The following MLLT10 variants were observed in gnomAD, a reference collection of about 807,000 sequenced individuals.
MLLT10 encodes protein AF-10.
In MLLT10, 30 loss-of-function variants were observed where a neutral mutation model predicts 129.1. The observed-to-expected ratio is 0.23, with a 90% confidence interval of 0.17 to 0.32. MLLT10 has a LOEUF of 0.32. Among genes scored for constraint, MLLT10 ranks in the 10% least tolerant of loss-of-function variants. The probability of loss-of-function intolerance (pLI) is 1.00; values close to 1 mark genes in which losing one functional copy is unlikely to be tolerated. For synonymous variants in MLLT10, 490 were observed against 446.4 expected (o/e 1.10, Z -1.23); for missense variants, 1,119 against 1,268.3 (o/e 0.88, Z 1.79).
At chr10:21,717,825 C>CCTT (rs1389492889) in intron 14 of MLLT10, among the ~76,000 whole-genome samples, 3 of 137,494 alleles carry the variant, frequency 2.2e-5, no homozygotes, top group African/African-American at 8.4e-5. Context: ...TTCTTCTCCT[C>CCTT]CTTCTCCTCC....
At chr10:21,634,922 A>G (rs1015366220) in intron 8 of MLLT10, among the ~76,000 whole-genome samples, 2 of 152,216 alleles carry the variant, frequency 1.3e-5, no homozygotes, top group African/African-American at 4.8e-5. Context: ...CTTAATTTCT[A>G]GTAAAACAGA....
At position 21,732,896 on chromosome 10, in the gene MLLT10, T is replaced by TA. The variant is rs753645699; in HGVS notation, c.2219-2dup. The TA allele has an allele frequency of 1.2e-6, 2 of 1,611,740 alleles. No homozygotes were observed. Among genetic ancestry groups the TA allele is most frequent in the African/African-American group, 2.7e-5 (2 of 74,738 alleles). On this transcript the variant is annotated splice_polypyrimidine_tract_variant and splice_region_variant and intron_variant, in intron 17 of 22. Transcript: ENST00000307729. The stretch of plus-strand genomic sequence containing the variant: ...TATTAAAAACTATCCAAATGTGTGG[T>TA]AGTTTTAGGAATGCTGAAGTCATTA...
intron 8 of MLLT10, among the ~76,000 whole-genome samples, chr10:21,619,940 T>TC (rs2045639293): frequency 6.6e-6 from 1 of 150,796 alleles, no homozygotes; most frequent in Non-Finnish European, 1.5e-5. Flanking sequence ...TTTTCTTTTT[T>TC]TTTTTTTTGT....
At chr10:21,542,966 G>GA (rs1554780688) in intron 3 of MLLT10, among the ~76,000 whole-genome samples, 2 of 144,824 alleles carry the variant, frequency 1.4e-5, no homozygotes, top group African/African-American at 2.5e-5. Context: ...TTTTTTTTTT[G>GA]TTTTTTTTTT....
intron 14 of MLLT10, among the ~76,000 whole-genome samples, chr10:21,725,748 G>A (rs901908293): frequency 7.4e-4 from 109 of 146,516 alleles, no homozygotes; most frequent in African/African-American, 2.5e-3. Flanking sequence ...TTGTAGTTAC[G>A]TAACTTTTTT....
intron 13 of MLLT10, among the ~76,000 whole-genome samples, chr10:21,694,004 AAAAG>A (rs2054129705): frequency 6.6e-6 from 1 of 152,190 alleles, no homozygotes; most frequent in African/African-American, 2.4e-5. Flanking sequence ...TCTTTTTAAA[AAAAG>A]AGCTGCGTAG....
At chr10:21,734,447 G>A (rs2058200154) in intron 20 of MLLT10, among the ~76,000 whole-genome samples, 1 of 152,142 alleles carries the variant, frequency 6.6e-6, no homozygotes, top group Non-Finnish European at 1.5e-5. Flanking sequence ...TCGTAGTGGA[G>A]ATAACATGAA....
intron 22 of MLLT10, among the ~76,000 whole-genome samples, chr10:21,740,730 A>T (rs1312264804): frequency 6.6e-6 from 1 of 152,252 alleles, no homozygotes; most frequent in East Asian, 1.9e-4. Context: ...TTTAGTTATT[A>T]ATTTCATGTA....
intron 3 of MLLT10, among the ~76,000 whole-genome samples, chr10:21,575,825 A>G (rs1043886090): frequency 6.6e-6 from 1 of 152,134 alleles, no homozygotes; most frequent in African/African-American, 2.4e-5. Context: ...AGGTGCATAC[A>G]TTTATAATTA....
At chr10:21,685,483 C>T (rs1297950215) in intron 13 of MLLT10, among the ~76,000 whole-genome samples, 2 of 151,966 alleles carry the variant, frequency 1.3e-5, no homozygotes, top group Non-Finnish European at 2.9e-5. Flanking sequence ...TACAGGCGCC[C>T]ACCACCATGC....
intron 8 of MLLT10, among the ~76,000 whole-genome samples, chr10:21,640,012 C>A (rs915109358): frequency 3.3e-5 from 5 of 151,754 alleles, no homozygotes; most frequent in South Asian, 2.1e-4. Flanking sequence ...TGTTACTCTG[C>A]CGCTGTTCTG....
At chr10:21,664,944 CT>C (rs146373535) in intron 9 of MLLT10, among the ~76,000 whole-genome samples, 21,830 of 119,006 alleles carry the variant, frequency 0.18, 1,176 homozygotes, top group African/African-American at 0.3. Context: ...TTTTTCTTTT[CT>C]TTTTTTTTTT....
chr10:21,559,304 G>A (rs898121789), intron 3 of MLLT10, among the ~76,000 whole-genome samples: 21 of 152,232 alleles, frequency 1.4e-4, no homozygotes, highest in African/African-American at 4.8e-4. Context: ...GGCTGGTCTC[G>A]AACTCCTGAC....
At chr10:21,630,631 C>T (rs2046908670) in intron 8 of MLLT10, among the ~76,000 whole-genome samples, 1 of 152,160 alleles carries the variant, frequency 6.6e-6, no homozygotes, top group Non-Finnish European at 1.5e-5. Context: ...CCCAGGTCAC[C>T]CTGTCAGAAT....
intron 5 of MLLT10, among the ~76,000 whole-genome samples, chr10:21,608,783 C>A (rs778274614): frequency 1.3e-5 from 2 of 152,044 alleles, no homozygotes; most frequent in Non-Finnish European, 2.9e-5. Flanking sequence ...CCAATTAAAT[C>A]AGCTTTTGAG....
chr10:21,562,678 G>A (rs2038979170), intron 3 of MLLT10, among the ~76,000 whole-genome samples: 1 of 151,682 alleles, frequency 6.6e-6, no homozygotes, highest in East Asian at 1.9e-4. Context: ...GCAACATTAA[G>A]GTATTACAAT....
At chr10:21,683,808 G>A (rs1035070250) in intron 13 of MLLT10, among the ~76,000 whole-genome samples, 3 of 151,314 alleles carry the variant, frequency 2.0e-5, no homozygotes, top group Admixed American at 6.6e-5. Flanking sequence ...GTGCAGTGGC[G>A]TGATATTGGC....
At chr10:21,537,615 C>A (rs917491471) in intron 2 of MLLT10, among the ~76,000 whole-genome samples, 2 of 152,132 alleles carry the variant, frequency 1.3e-5, no homozygotes, top group Admixed American at 1.3e-4. Context: ...CAGGCACCTG[C>A]CACCATGCCC....
At chr10:21,713,521 C>CT (rs1255543799) in intron 13 of MLLT10, among the ~76,000 whole-genome samples, 1 of 152,210 alleles carries the variant, frequency 6.6e-6, no homozygotes, top group Non-Finnish European at 1.5e-5. Context: ...TTACAAAGCT[C>CT]TTTCTGCTAT....
Sources: gnomAD v4.1 joint callset for allele counts (sites outside exome capture counted in the v4.1 genomes callset) on GRCh38, gnomAD v4.1.1 for gene constraint, MANE v1.5 for transcripts, NCBI Gene and HGNC (gene_info 2026-07-23, HGNC 2026-07-21) for gene names.